The following PTPRD variants were observed in gnomAD, a reference collection of about 807,000 sequenced individuals.
The protein encoded by PTPRD is receptor-type tyrosine-protein phosphatase delta.
PTPRD carries 34 observed loss-of-function variants against 214.5 expected under a neutral mutation model. The observed-to-expected ratio is 0.16, with a 90% CI of 0.12 to 0.21. PTPRD has a LOEUF of 0.21. Ranked by LOEUF, PTPRD falls within the 10% of genes least tolerant of loss-of-function variation. PTPRD has a pLI of 1.00. For synonymous variants in PTPRD, 1,128 were observed against 845.7 expected (o/e 1.33, Z -5.79); for missense variants, 2,545 against 2,398.7 (o/e 1.06, Z -1.27).
chr9:9,644,419 G>C (rs2096074900), intron 7 of PTPRD, among the ~76,000 whole-genome samples: 1 of 152,120 alleles, frequency 6.6e-6, no homozygotes, highest in Non-Finnish European at 1.5e-5. Context: ...TGCTTAGATT[G>C]CTTTATTCTC....
chr9:9,179,313 G>T (rs1471757775), intron 10 of PTPRD, among the ~76,000 whole-genome samples: 1 of 152,002 alleles, frequency 6.6e-6, no homozygotes, highest in Non-Finnish European at 1.5e-5. Flanking sequence ...CAAAGCATTT[G>T]GCTATAGAAC....
chr9:8,654,051 C>T (rs79945888), intron 12 of PTPRD, among the ~76,000 whole-genome samples: 3,362 of 152,246 alleles, frequency 0.022, 110 homozygotes, highest in African/African-American at 0.076. Flanking sequence ...CTGTGCATTG[C>T]AAGAGATTGA....
At chr9:8,529,596 C>G (rs779667347) in intron 14 of PTPRD, among the ~76,000 whole-genome samples, 4 of 152,084 alleles carry the variant, frequency 2.6e-5, no homozygotes, top group African/African-American at 4.8e-5. Context: ...CTACCCACAT[C>G]GAAACTGTTC....
At chr9:8,385,958 A>T (rs2086866684) in intron 37 of PTPRD, among the ~76,000 whole-genome samples, 1 of 152,152 alleles carries the variant, frequency 6.6e-6, no homozygotes, top group Non-Finnish European at 1.5e-5. Context: ...ACCATAGAGA[A>T]ATAAACTCTT....
intron 39 of PTPRD, among the ~76,000 whole-genome samples, chr9:8,353,346 G>A (rs1321441835): frequency 6.6e-6 from 1 of 152,072 alleles, no homozygotes; most frequent in East Asian, 1.9e-4. Context: ...GCCTGTTATG[G>A]CTTCTGATCC....
At chr9:9,410,024 T>A (rs755829440) in intron 8 of PTPRD, among the ~76,000 whole-genome samples, 10 of 152,186 alleles carry the variant, frequency 6.6e-5, no homozygotes, top group Non-Finnish European at 1.3e-4. Flanking sequence ...TTTTAATAAA[T>A]GTTTTATCAA....
At chr9:9,853,419 T>G (rs545231685) in intron 5 of PTPRD, among the ~76,000 whole-genome samples, 1 of 152,216 alleles carries the variant, frequency 6.6e-6, no homozygotes, top group African/African-American at 2.4e-5. Context: ...AAACAGGCAA[T>G]GGACCTGATT....
intron 11 of PTPRD, among the ~76,000 whole-genome samples, chr9:8,967,856 A>G (rs879452313): frequency 2.0e-5 from 3 of 151,814 alleles, no homozygotes; most frequent in Non-Finnish European, 2.9e-5. Flanking sequence ...GCATCCATTA[A>G]CTCGTCATTT....
At chr9:8,570,193 T>G (rs1246073283) in intron 14 of PTPRD, among the ~76,000 whole-genome samples, 1 of 151,696 alleles carries the variant, frequency 6.6e-6, no homozygotes, top group Non-Finnish European at 1.5e-5. Context: ...ATAGGGAGAT[T>G]TTTATATGTA....
At chr9:9,552,003 G>A (rs971784917) in intron 8 of PTPRD, among the ~76,000 whole-genome samples, 1 of 151,932 alleles carries the variant, frequency 6.6e-6, no homozygotes, top group African/African-American at 2.4e-5. Flanking sequence ...CAATCCATAA[G>A]CAAAAGTATA....
chr9:9,261,187 C>A (rs972348315), intron 9 of PTPRD, among the ~76,000 whole-genome samples: 3 of 151,758 alleles, frequency 2.0e-5, no homozygotes, highest in Non-Finnish European at 4.4e-5. Context: ...GTTTTCTTAG[C>A]ATGGGAAATG....
chr9:8,724,893 G>A (rs932170699), intron 12 of PTPRD, among the ~76,000 whole-genome samples: 7 of 152,082 alleles, frequency 4.6e-5, no homozygotes, highest in Admixed American at 3.3e-4. Context: ...AGCCGAGATC[G>A]CGTCACTGCA....
intron 9 of PTPRD, among the ~76,000 whole-genome samples, chr9:9,393,639 A>G (rs1431627789): frequency 6.6e-6 from 1 of 152,184 alleles, no homozygotes; most frequent in Non-Finnish European, 1.5e-5. Context: ...CTTCCATAGC[A>G]ACAGATAATT....
chr9:10,015,835 A>G (rs1330960245), intron 4 of PTPRD, among the ~76,000 whole-genome samples: 1 of 152,166 alleles, frequency 6.6e-6, no homozygotes, highest in Non-Finnish European at 1.5e-5. Context: ...TTTATAATGT[A>G]AGATACTACA....
chr9:9,463,664 G>T (rs1014210367), intron 8 of PTPRD, among the ~76,000 whole-genome samples: 1 of 151,878 alleles, frequency 6.6e-6, no homozygotes, highest in Non-Finnish European at 1.5e-5. Flanking sequence ...TACATTCAGA[G>T]GGTACATATG....
chr9:9,971,282 A>G (rs1287284218), intron 4 of PTPRD, among the ~76,000 whole-genome samples: 3 of 152,198 alleles, frequency 2.0e-5, no homozygotes, highest in Non-Finnish European at 4.4e-5. Context: ...TGAAATAAAT[A>G]CAGATGGATT....
intron 3 of PTPRD, among the ~76,000 whole-genome samples, chr9:10,296,419 C>T (rs1366004801): frequency 2.0e-5 from 3 of 152,064 alleles, no homozygotes; most frequent in Non-Finnish European, 4.4e-5. Context: ...CACCAGATCA[C>T]TCACTTAGAC....
intron 8 of PTPRD, among the ~76,000 whole-genome samples, chr9:9,500,055 T>G (rs183804234): frequency 5.0e-4 from 76 of 152,156 alleles, no homozygotes; most frequent in Non-Finnish European, 1.0e-3. Flanking sequence ...TTTGCAGAAG[T>G]ATTCTTTGAA....
chr9:9,422,838 T>C (rs2079313659), intron 8 of PTPRD, among the ~76,000 whole-genome samples: 1 of 152,082 alleles, frequency 6.6e-6, no homozygotes, highest in Admixed American at 6.6e-5. Context: ...CCTTACAAGG[T>C]AAAAGGCTAT....
Sources: allele counts gnomAD v4.1 joint callset (sites outside exome capture counted in the v4.1 genomes callset), GRCh38; gene constraint gnomAD v4.1.1; transcripts MANE v1.5; gene names NCBI Gene and HGNC (gene_info 2026-07-23, HGNC 2026-07-21).